Variants in PCCA observed in about 807,000 individuals in gnomAD.
The protein encoded by PCCA is propionyl-CoA carboxylase subunit alpha.
Under a neutral mutation model 101.3 loss-of-function variants are expected in PCCA, and 74 were observed. That is an observed-to-expected ratio of 0.73 (90% confidence interval 0.61 to 0.89). PCCA has a LOEUF of 0.89. Ranked by LOEUF, PCCA falls within the 40% of genes least tolerant of loss-of-function variation. PCCA has a pLI of 0.00. For synonymous variants in PCCA, 294 were observed against 313.6 expected, an observed-to-expected ratio of 0.94 and a Z score of 0.66; for missense variants, 891 against 907.0, an observed-to-expected ratio of 0.98 and a Z score of 0.23.
At chr13:100,320,638 C>T (rs1219274939) in intron 16 of PCCA, among the ~76,000 whole-genome samples, 1 of 152,114 alleles carries the variant, frequency 6.6e-6, no homozygotes, top group Non-Finnish European at 1.5e-5. Flanking sequence ...TATTGATTTG[C>T]ATATGTTGAA....
At chr13:100,450,718 T>C (rs2081162369) in intron 21 of PCCA, among the ~76,000 whole-genome samples, 1 of 152,218 alleles carries the variant, frequency 6.6e-6, no homozygotes, top group African/African-American at 2.4e-5. Context: ...TTATCGATTA[T>C]AGAGATGTAT....
At chr13:100,280,012 GT>G (rs10543745) in intron 12 of PCCA, among the ~76,000 whole-genome samples, 58,675 of 139,946 alleles carry the variant, frequency 0.42, 12,801 homozygotes, top group South Asian at 0.63. Flanking sequence ...TTTTGTTTTT[GT>G]TTTTTTTTTT....
intron 7 of PCCA, among the ~76,000 whole-genome samples, chr13:100,216,100 C>T (rs894544159): frequency 1.3e-5 from 2 of 151,910 alleles, no homozygotes; most frequent in Non-Finnish European, 2.9e-5. Context: ...CTCTCCTTCC[C>T]CTTTCCCTTC....
chr13:100,504,434 A>G (rs1384856128), intron 21 of PCCA, among the ~76,000 whole-genome samples: 2 of 152,230 alleles, frequency 1.3e-5, no homozygotes, highest in East Asian at 1.9e-4. Context: ...GCTGTTGTGC[A>G]TCTGAGAGCG....
chr13:100,406,268 G>A (rs934006865), intron 19 of PCCA, among the ~76,000 whole-genome samples: 2 of 152,202 alleles, frequency 1.3e-5, no homozygotes, highest in Non-Finnish European at 1.5e-5. Context: ...TTACTACACT[G>A]ATGCAAACAA....
intron 22 of PCCA, among the ~76,000 whole-genome samples, chr13:100,521,343 G>C (rs998420128): frequency 4.6e-5 from 7 of 152,164 alleles, no homozygotes; most frequent in African/African-American, 7.2e-5. Context: ...GGGGCTGGAC[G>C]GGTGGCCCCT....
intron 11 of PCCA, among the ~76,000 whole-genome samples, chr13:100,271,262 T>G (rs2063296508): frequency 1.3e-5 from 2 of 152,198 alleles, no homozygotes; most frequent in African/African-American, 4.8e-5. Context: ...ATGTCATCTA[T>G]GTCTATACAT....
At chr13:100,440,963 C>A (rs2080325586) in intron 20 of PCCA, among the ~76,000 whole-genome samples, 1 of 152,106 alleles carries the variant, frequency 6.6e-6, no homozygotes, top group Non-Finnish European at 1.5e-5. Flanking sequence ...TATTTCAAGG[C>A]AGTTTAACAG....
chr13:100,162,049 C>T (rs1255059517), intron 6 of PCCA, among the ~76,000 whole-genome samples: 1 of 151,344 alleles, frequency 6.6e-6, no homozygotes, highest in Non-Finnish European at 1.5e-5. Flanking sequence ...TAGAGGTCAC[C>T]ACTGTTACCT....
chr13:100,430,165 C>CTCAG (rs2079440914), intron 20 of PCCA, among the ~76,000 whole-genome samples: 1 of 152,030 alleles, frequency 6.6e-6, no homozygotes, highest in South Asian at 2.1e-4. Context: ...ATCCCAGCTA[C>CTCAG]TCAGGAGGCT....
chr13:100,468,379 T>TA (rs2082702973), intron 21 of PCCA, among the ~76,000 whole-genome samples: 1 of 152,172 alleles, frequency 6.6e-6, no homozygotes, highest in African/African-American at 2.4e-5. Context: ...GAGGTTTACT[T>TA]CTCCTCTCTA....
intron 21 of PCCA, among the ~76,000 whole-genome samples, chr13:100,452,837 A>G (rs969741975): frequency 2.0e-5 from 3 of 152,114 alleles, no homozygotes; most frequent in African/African-American, 7.2e-5. Context: ...GTATTCAGTC[A>G]GGGTTGGGCA....
intron 19 of PCCA, among the ~76,000 whole-genome samples, chr13:100,389,482 C>A (rs1009044674): frequency 1.1e-4 from 16 of 152,128 alleles, no homozygotes; most frequent in Non-Finnish European, 7.4e-5. Flanking sequence ...TGGCGCCTAC[C>A]AAAGGGTGGA....
chr13:100,368,415 T>G (rs1396083557), intron 18 of PCCA, 57 bp from the exon 19 acceptor site: 1 of 971,698 alleles, frequency 1.0e-6, no homozygotes, highest in Non-Finnish European at 1.6e-6. Context: ...GGAAATTAGT[T>G]TATTGAGAAA....
At chr13:100,222,414 T>C (rs953279504) in intron 7 of PCCA, among the ~76,000 whole-genome samples, 1 of 152,156 alleles carries the variant, frequency 6.6e-6, no homozygotes, top group African/African-American at 2.4e-5. Flanking sequence ...TTTTAGTTTG[T>C]TTTTATTTCT....
chr13:100,481,675 C>CGA (rs1438877703), intron 21 of PCCA, among the ~76,000 whole-genome samples: 2 of 152,016 alleles, frequency 1.3e-5, no homozygotes, highest in African/African-American at 4.8e-5. Context: ...TGCTGGACCC[C>CGA]GAGAGAGAGG....
chr13:100,504,890 G>T (rs1186853764), intron 21 of PCCA, among the ~76,000 whole-genome samples: 1 of 151,990 alleles, frequency 6.6e-6, no homozygotes, highest in Admixed American at 6.5e-5. Flanking sequence ...CCAAGATCAT[G>T]CCACTGCACT....
At chr13:100,330,294 C>T (rs946168297) in intron 16 of PCCA, among the ~76,000 whole-genome samples, 2 of 152,164 alleles carry the variant, frequency 1.3e-5, no homozygotes, top group African/African-American at 4.8e-5. Context: ...TTAAAATTCA[C>T]GGCCCAAAAC....
At chr13:100,346,375 G>A (rs1191699675) in intron 18 of PCCA, among the ~76,000 whole-genome samples, 5 of 152,208 alleles carry the variant, frequency 3.3e-5, no homozygotes, top group Admixed American at 3.3e-4. Flanking sequence ...AATAGCTACA[G>A]TTGGGGTGGA....
Sources: allele counts gnomAD v4.1 joint callset (sites outside exome capture counted in the v4.1 genomes callset), GRCh38; gene constraint gnomAD v4.1.1; transcripts MANE v1.5; gene names NCBI Gene and HGNC (gene_info 2026-07-23, HGNC 2026-07-21).